Variants in UGT1A5 observed in about 807,000 individuals in gnomAD.
UGT1A5 encodes UDP-glucuronosyltransferase 1A5.
In UGT1A5, 29 loss-of-function variants were observed where a neutral mutation model predicts 40.3. That is an observed-to-expected ratio of 0.72 (90% CI 0.54 to 0.98). The LOEUF (loss-of-function observed/expected upper bound fraction) is 0.98, where lower values mean the gene tolerates loss of function less well. UGT1A5 is among the 50% of genes least tolerant of loss of function. The probability of loss-of-function intolerance (pLI) is 0.00; values close to 1 mark genes in which losing one functional copy is unlikely to be tolerated. For synonymous variants in UGT1A5, 257 were observed against 262.5 expected, an observed-to-expected ratio of 0.98 and a Z score of 0.20; for missense variants, 678 against 677.9, an observed-to-expected ratio of 1.00 and a Z score of 0.00.
At chr2:233,768,989 C>A (rs947388091) in intron 4 of UGT1A5, among the ~76,000 whole-genome samples, 2 of 152,024 alleles carry the variant, frequency 1.3e-5, no homozygotes, top group African/African-American at 4.8e-5. Context: ...TTATTTCCCC[C>A]ATTAGATTTA....
In UGT1A5 at chr2:233,722,286, T is replaced by C. The variant is rs567045948; in HGVS notation, c.867+8428T>C. 3.3e-5 allele frequency among the ~76,000 whole-genome samples: 5 copies of C among 152,342 alleles called. No homozygotes were observed. In the South Asian group the frequency reaches 8.3e-4, roughly 25 times the overall value. Reference sequence around the variant, plus strand: ...ATCATTTTTATTACATTGATTTCCTTTGTTATTTTGTCACCCTTACTTACT... The same window carrying C: ...ATCATTTTTATTACATTGATTTCCTCTGTTATTTTGTCACCCTTACTTACT... On this transcript the variant is annotated intron_variant, in intron 1 of 4. Transcript: ENST00000373414.
In UGT1A5 at chr2:233,769,479, G is replaced by A; in HGVS notation, c.1307+1040G>A. The A allele has an allele frequency of 6.2e-7, 1 of 1,611,314 alleles. No homozygotes were observed. The highest frequency in any genetic ancestry group is 8.5e-7 in the Non-Finnish European group (1 of 1,178,748). ...CATTCATATGCGTGTGTGTGTGTGT[G>A]CGTGTGTTTATGAGAGTGTCCATTG... is the stretch of plus-strand genomic sequence containing the variant. On this transcript the variant is annotated intron_variant, in intron 4 of 4. Coordinates refer to ENST00000373414, the MANE Select transcript of UGT1A5 (RefSeq NM_019078.2). This position sits in a 1 kb window ranked among gnomAD's most constrained non-coding sequence, Gnocchi z 4.4.
At position 233,713,549 on chromosome 2, in the gene UGT1A5, G is replaced by A. The variant is rs1391054862; in HGVS notation, c.558G>A (p.Gln186=). ...GTGATTTAGACTTTAAGGGCACACAGTGTCCAAACCCTTCCTCCTATATTC... is the reference window on the plus strand; with the variant it reads ...GTGATTTAGACTTTAAGGGCACACAATGTCCAAACCCTTCCTCCTATATTC... ...IPCDLDFKGT[Q]CPNPSSYIPR... is the part of the protein sequence containing the mutation. The change falls in exon 1 of 5, where the codon CAG becomes CAA. Residue 186 remains glutamine, a synonymous_variant. Transcript: ENST00000373414. 1 of 1,613,986 alleles carries A rather than the reference G, an allele frequency of 6.2e-7. No homozygotes were observed.
intron 1 of UGT1A5, among the ~76,000 whole-genome samples, chr2:233,750,112 A>G (rs965071088): frequency 7.2e-5 from 11 of 151,944 alleles, no homozygotes; most frequent in Middle Eastern, 3.2e-3. Flanking sequence ...AGAAGAAGAC[A>G]GGAAGATGTG....
At chr2:233,754,747 A>G (rs527716521) in intron 1 of UGT1A5, 1 of 765,704 alleles carries the variant, frequency 1.3e-6, no homozygotes, top group African/African-American at 1.8e-5. Context: ...GACATGCAGA[A>G]GGAAGAAAGG....
At chr2:233,765,776 G>T (rs1408785034) in intron 1 of UGT1A5, among the ~76,000 whole-genome samples, 1 of 151,906 alleles carries the variant, frequency 6.6e-6, no homozygotes, top group South Asian at 2.1e-4. Flanking sequence ...GGGATTCATT[G>T]GACCACTGAA....
At chr2:233,728,809 T>G (rs2077752579) in intron 1 of UGT1A5, among the ~76,000 whole-genome samples, 1 of 152,110 alleles carries the variant, frequency 6.6e-6, no homozygotes, top group African/African-American at 2.4e-5. Flanking sequence ...TAGGAGACAG[T>G]GACATGAAAT....
intron 1 of UGT1A5, chr2:233,761,151 G>A (rs748685520): frequency 3.7e-6 from 6 of 1,614,140 alleles, no homozygotes; most frequent in Non-Finnish European, 5.1e-6. Flanking sequence ...CACTATCCCA[G>A]GTGTGTATTG....
chr2:233,724,897 A>G (rs1186168071), intron 1 of UGT1A5, among the ~76,000 whole-genome samples: 1 of 137,504 alleles, frequency 7.3e-6, no homozygotes, highest in Non-Finnish European at 1.5e-5. Flanking sequence ...ACTGCACTCC[A>G]GCCTGGGCAC....
At position 233,713,766 on chromosome 2, in the gene UGT1A5, G is replaced by T; in HGVS notation, c.775G>T (p.Gly259Trp). 3.7e-6 allele frequency: 6 copies of T among 1,613,460 alleles called. No individual in the cohort carries two copies. The highest frequency in any genetic ancestry group is 5.1e-6 in the Non-Finnish European group (6 of 1,179,690). ...CCATGCATCTGTGTGGCTGTTCCGA[G>T]GGGACTTTGTGATGGATTACCCCAG... is the stretch of plus-strand genomic sequence containing the variant. ...VSHASVWLFR[G>W]DFVMDYPRPI... The change falls in exon 1 of 5, where the codon GGG becomes TGG. Residue 259 changes from glycine (G) to tryptophan (W), a missense_variant. By Grantham distance (184) the Gly-to-Trp change is radical (BLOSUM62 -2). Transcript: ENST00000373414.
Position 233,713,566 on chromosome 2 carries a change from C to T in UGT1A5, c.575C>T (p.Ser192Phe). ...GGCACACAGTGTCCAAACCCTTCCT[C>T]CTATATTCCTAGATTACTAACGACC... ...FKGTQCPNPS[S>F]YIPRLLTTNS... The change falls in exon 1 of 5, where the codon TCC (serine) becomes TTC (phenylalanine). Residue 192 changes from serine (S) to phenylalanine (F), a missense_variant. Coordinates refer to ENST00000373414, the MANE Select transcript of UGT1A5 (RefSeq NM_019078.2). 6.2e-7 allele frequency: 1 copy of T among 1,613,980 alleles called. No individual in the cohort carries two copies. Among genetic ancestry groups the T allele is most frequent in the Non-Finnish European group, 8.5e-7 (1 of 1,179,874 alleles).
intron 1 of UGT1A5, among the ~76,000 whole-genome samples, chr2:233,757,535 AATATATATATATATAT>A (rs67292694): frequency 2.3e-5 from 2 of 88,312 alleles, no homozygotes; most frequent in Non-Finnish European, 4.4e-5. Context: ...GCCTGTAAGG[AATATATATATATATAT>A]ATATATATAT....
At chr2:233,718,464 C>A (rs2076655519) in intron 1 of UGT1A5, among the ~76,000 whole-genome samples, 1 of 152,218 alleles carries the variant, frequency 6.6e-6, no homozygotes, top group Non-Finnish European at 1.5e-5. Flanking sequence ...CAGACCTCAG[C>A]TGCAGCCTGA....
chr2:233,741,575 C>A lies in UGT1A5; in HGVS notation c.868-25459C>A, dbSNP rs559274983. ...TGGTTATTGTATGAGAATCAACTAC[C>A]CAGGCACCTCGGAGCATGTTGATTT... On this transcript the variant is annotated intron_variant, in intron 1 of 4. Coordinates refer to ENST00000373414, the MANE Select transcript of UGT1A5 (RefSeq NM_019078.2). 4 of 151,970 alleles carry A rather than the reference C, an allele frequency of 2.6e-5. No individual in the cohort carries two copies. In the East Asian group the frequency reaches 7.7e-4, roughly 29 times the overall value. 9.4% of individuals were successfully genotyped at this position (151,970 alleles called of 1,614,324 possible).
At chr2:233,747,843 G>T in intron 1 of UGT1A5, 1 of 1,613,470 alleles carries the variant, frequency 6.2e-7, no homozygotes, top group Admixed American at 1.7e-5. Flanking sequence ...CCTGCAAAGG[G>T]TCAAGAACAT....
chr2:233,759,596 C>G (rs1697189496), intron 1 of UGT1A5, among the ~76,000 whole-genome samples: 1 of 145,706 alleles, frequency 6.9e-6, no homozygotes, highest in Non-Finnish European at 1.5e-5. Flanking sequence ...CCCCCCACCC[C>G]CGACCCGCCC....
At position 233,718,809 on chromosome 2, in the gene UGT1A5, G is replaced by T. The variant is rs747487357; in HGVS notation, c.867+4951G>T. The T allele has an allele frequency of 3.7e-5, 60 of 1,613,336 alleles. 1 individual carries two copies. The highest frequency in any genetic ancestry group is 1.5e-4 in the African/African-American group (11 of 75,040). On this transcript the variant is annotated intron_variant, in intron 1 of 4. Transcript: ENST00000373414. ...TGGGGTGGACAGTCAGCTGTCGGTG[G>T]CTTCTGCTGAGATGGCCAGAGGACT...
intron 1 of UGT1A5, among the ~76,000 whole-genome samples, chr2:233,739,944 C>A (rs937638963): frequency 6.6e-6 from 1 of 151,864 alleles, no homozygotes; most frequent in Non-Finnish European, 1.5e-5. Context: ...AGGTTGGTAC[C>A]TGGTGGGAGC....
chr2:233,737,725 T>A (rs936117182), intron 1 of UGT1A5, among the ~76,000 whole-genome samples: 1 of 152,150 alleles, frequency 6.6e-6, no homozygotes, highest in African/African-American at 2.4e-5. Context: ...CACCTCCTTT[T>A]TTTTTCCTTT....
Sources: gnomAD v4.1 joint callset for allele counts (sites outside exome capture counted in the v4.1 genomes callset) on GRCh38, gnomAD v4.1.1 for gene constraint, Gnocchi (gnomAD v3.1) non-coding constraint, MANE v1.5 for transcripts, NCBI Gene and HGNC (gene_info 2026-07-23, HGNC 2026-07-21) for gene names.